The following CFAP161 variants were observed in gnomAD, a reference collection of about 807,000 sequenced individuals.
The protein encoded by CFAP161 is cilia- and flagella-associated protein 161.
CFAP161 carries 25 observed loss-of-function variants against 29.0 expected under a neutral mutation model. That is an observed-to-expected ratio of 0.86 (90% CI 0.63 to 1.20). The LOEUF (loss-of-function observed/expected upper bound fraction) is 1.20, where lower values mean the gene tolerates loss of function less well. Ranked by LOEUF, CFAP161 falls within the 50% of genes most tolerant of loss-of-function variation. The probability of loss-of-function intolerance (pLI) is 0.00; values close to 1 mark genes in which losing one functional copy is unlikely to be tolerated. For synonymous variants in CFAP161, 116 were observed against 137.4 expected (o/e 0.84, Z 1.09); for missense variants, 367 against 371.9 (o/e 0.99, Z 0.11).
At chr15:81,146,687 T>C (rs1176246437) in intron 5 of CFAP161, among the ~76,000 whole-genome samples, 1 of 151,594 alleles carries the variant, frequency 6.6e-6, no homozygotes, top group East Asian at 1.9e-4. Context: ...GTGGTCACCC[T>C]GACAATGATT....
At chr15:81,110,591 G>A (rs901433368) in intron 1 of CFAP161, among the ~76,000 whole-genome samples, 1 of 152,050 alleles carries the variant, frequency 6.6e-6, no homozygotes, top group Non-Finnish European at 1.5e-5. Flanking sequence ...GGTCCATGCC[G>A]GCATTCCCAT....
chr15:81,142,274 TA>T lies in CFAP161; in HGVS notation c.478-1386del, dbSNP rs565368976. 5.3e-5 allele frequency among the ~76,000 whole-genome samples: 8 copies of T among 152,060 alleles called. No homozygotes were observed. In the South Asian group the frequency reaches 1.7e-3, roughly 32 times the overall value. ...TGCTGCCAGGTTGATCTTTTTTTTT[TA>T]ATTTTCATTTTAATTTTTAAAATTT... On this transcript the variant is annotated intron_variant, in intron 4 of 6. Coordinates refer to ENST00000286732, the MANE Select transcript of CFAP161 (RefSeq NM_173528.4).
At chr15:81,144,776 C>T (rs1249304710) in intron 5 of CFAP161, among the ~76,000 whole-genome samples, 1 of 143,446 alleles carries the variant, frequency 7.0e-6, no homozygotes, top group South Asian at 2.2e-4. Flanking sequence ...AACAGTGAGA[C>T]CGTGTCTCAA....
chr15:81,136,191 A>C (rs1002401802), intron 2 of CFAP161, among the ~76,000 whole-genome samples: 1 of 152,270 alleles, frequency 6.6e-6, no homozygotes, highest in Non-Finnish European at 1.5e-5. Context: ...TGCATTTTAC[A>C]AATAAAGAAA....
exon 2 of CFAP161, chr15:81,127,596 T>A (rs890407474): frequency 6.6e-6 from 1 of 152,194 alleles, no homozygotes; most frequent in Non-Finnish European, 1.5e-5. Context: ...TAAGGTGGGC[T>A]TATCTAAATC....
intron 1 of CFAP161, among the ~76,000 whole-genome samples, chr15:81,101,683 C>A (rs769660846): frequency 6.6e-6 from 1 of 151,998 alleles, no homozygotes; most frequent in African/African-American, 2.4e-5. Flanking sequence ...TATAACAATG[C>A]ATTAACACTC....
chr15:81,111,534 C>G (rs1015270018), intron 1 of CFAP161, among the ~76,000 whole-genome samples: 1 of 152,250 alleles, frequency 6.6e-6, no homozygotes, highest in Non-Finnish European at 1.5e-5. Flanking sequence ...CCCCAGCAAC[C>G]TTCCGAAAGC....
chr15:81,107,110 G>C (rs888345273), intron 1 of CFAP161, among the ~76,000 whole-genome samples: 10 of 152,108 alleles, frequency 6.6e-5, no homozygotes, highest in African/African-American at 2.4e-4. Context: ...TCTAAAACCT[G>C]CAAACATCTG....
intron 1 of CFAP161, among the ~76,000 whole-genome samples, chr15:81,115,198 C>T (rs1347827351): frequency 6.6e-6 from 1 of 152,010 alleles, no homozygotes; most frequent in East Asian, 1.9e-4. Flanking sequence ...TCTGGCTCTA[C>T]TTGTCAGGGA....
At chr15:81,130,623 C>T (rs932281364), upstream of CFAP161, among the ~76,000 whole-genome samples, 3 of 152,166 alleles carry the variant, frequency 2.0e-5, no homozygotes, top group East Asian at 5.8e-4. Flanking sequence ...TCGCTTGAAC[C>T]TGGGAGGTGG....
rs139860342 is a variant in CFAP161, at chr15:81,107,199, A to G, written c.-141-20391A>G. On this transcript the variant is annotated intron_variant, in intron 1 of 4. Transcript: ENST00000560091. Reference sequence around the variant, plus strand: ...CTGCTGTCAGACTTTTCATAATAATAAGCAGTAGTATTTACCGAGTACTCA... The same window carrying G: ...CTGCTGTCAGACTTTTCATAATAATGAGCAGTAGTATTTACCGAGTACTCA... Among the ~76,000 whole-genome samples, 464 of 152,352 alleles carry G rather than the reference A, an allele frequency of 3.0e-3. 1 individual carries two copies. Among genetic ancestry groups the G allele is most frequent in the Non-Finnish European group, 5.5e-3 (376 of 68,034 alleles).
At chr15:81,109,007 C>T (rs1894407814) in intron 1 of CFAP161, among the ~76,000 whole-genome samples, 1 of 152,066 alleles carries the variant, frequency 6.6e-6, no homozygotes, top group Admixed American at 6.6e-5. Flanking sequence ...TTGAAACTCT[C>T]ACAAAATTGC....
upstream of CFAP161, among the ~76,000 whole-genome samples, chr15:81,133,196 TA>T (rs1894737098): frequency 4.1e-5 from 2 of 49,374 alleles, no homozygotes; most frequent in Admixed American, 2.2e-4. Flanking sequence ...TATATATATA[TA>T]TATATATATA....
intron 1 of CFAP161, among the ~76,000 whole-genome samples, chr15:81,106,484 G>A (rs1894374779): frequency 6.6e-6 from 1 of 152,206 alleles, no homozygotes. Context: ...TTTAACCTCG[G>A]TGTTTATTAC....
intron 1 of CFAP161, among the ~76,000 whole-genome samples, chr15:81,122,639 G>A (rs4591092): frequency 7.9e-5 from 12 of 151,586 alleles, no homozygotes; most frequent in Non-Finnish European, 1.3e-4. Flanking sequence ...TTACAGGCAC[G>A]CATCACCATA....
At chr15:81,099,860 G>A (rs1894282179) in intron 1 of CFAP161, among the ~76,000 whole-genome samples, 1 of 152,174 alleles carries the variant, frequency 6.6e-6, no homozygotes, top group African/African-American at 2.4e-5. Flanking sequence ...CCTAAAGGTA[G>A]GTAAATCTTC....
rs114791967 is a variant in CFAP161, at chr15:81,104,436, A to G, written c.-141-23154A>G. Among the ~76,000 whole-genome samples the G allele has an allele frequency of 1.3e-3, 197 of 152,292 alleles. 2 individuals carry two copies. Among genetic ancestry groups the G allele is most frequent in the African/African-American group, 4.6e-3 (193 of 41,570 alleles). On this transcript the variant is annotated intron_variant, in intron 1 of 4. Coordinates refer to the CFAP161 transcript ENST00000560091. Reference sequence around the variant, plus strand: ...GTCTGAACTGAACAGGAGCGGGCCAAAGTTCTGGCAGCTACTTTAAAGACA... The same window carrying G: ...GTCTGAACTGAACAGGAGCGGGCCAGAGTTCTGGCAGCTACTTTAAAGACA...
chr15:81,127,699 A>G (rs1031796770), exon 2 of CFAP161: 1 of 152,224 alleles, frequency 6.6e-6, no homozygotes, highest in Non-Finnish European at 1.5e-5. Flanking sequence ...GATGACAGCC[A>G]TGGAAGCAGA....
intron 5 of CFAP161, among the ~76,000 whole-genome samples, chr15:81,147,056 G>C (rs898749667): frequency 9.9e-5 from 15 of 151,304 alleles, no homozygotes; most frequent in African/African-American, 3.4e-4. Context: ...TCTCACCTGA[G>C]ACAAAGGCAT....
Sources: allele counts gnomAD v4.1 joint callset (sites outside exome capture counted in the v4.1 genomes callset), GRCh38; gene constraint gnomAD v4.1.1; transcripts MANE v1.5; gene names NCBI Gene and HGNC (gene_info 2026-07-23, HGNC 2026-07-21).